NELL1: variants seen among roughly 807,000 people sequenced by gnomAD.
NELL1 encodes the protein protein kinase C-binding protein NELL1.
In NELL1, 76 loss-of-function variants were observed where a neutral mutation model predicts 107.4. The ratio of observed to expected loss-of-function variants is 0.71; its 90% confidence interval spans 0.59 to 0.86. NELL1 has a LOEUF of 0.86. Among genes scored for constraint, NELL1 ranks in the 40% least tolerant of loss-of-function variants. NELL1 has a pLI of 0.00. For synonymous variants in NELL1, 353 were observed against 341.2 expected (o/e 1.03, Z -0.38); for missense variants, 1,024 against 1,005.5 (o/e 1.02, Z -0.25).
At chr11:21,275,553 G>T (rs1426789084) in intron 14 of NELL1, among the ~76,000 whole-genome samples, 2 of 152,178 alleles carry the variant, frequency 1.3e-5, no homozygotes, top group Admixed American at 6.5e-5. Context: ...CATTTTATGA[G>T]GCCAGCATCA....
At chr11:20,898,358 G>A (rs551512491) in intron 5 of NELL1, among the ~76,000 whole-genome samples, 1 of 152,122 alleles carries the variant, frequency 6.6e-6, no homozygotes, top group South Asian at 2.1e-4. Context: ...CTCATAAGGG[G>A]GAATTGAACA....
chr11:20,783,806 T>G lies in NELL1; in HGVS notation c.311T>G (p.Leu104Arg). 1 of 1,613,192 alleles carries G rather than the reference T, an allele frequency of 6.2e-7. No individual in the cohort carries two copies. Among genetic ancestry groups the G allele is most frequent in the Non-Finnish European group, 8.5e-7 (1 of 1,179,628 alleles). ...QQKPSTSGVI[L>R]SIRELEHSYF... ...AAGCCATCCACTTCAGGAGTGATAC[T>G]GTCCATTCGAGAACTGGAGCACAGG... is the stretch of plus-strand genomic sequence containing the variant. The change falls in exon 3 of 20, where the codon CTG becomes CGG. Residue 104 changes from leucine (L) to arginine (R), a missense_variant. Transcript: ENST00000357134.
At chr11:21,493,529 A>T (rs1050258959) in intron 15 of NELL1, among the ~76,000 whole-genome samples, 1 of 4,476 alleles carries the variant, frequency 2.2e-4, no homozygotes, top group African/African-American at 6.1e-4. Context: ...GTAGGAGCTA[A>T]AAAAAAAAAA....
intron 10 of NELL1, among the ~76,000 whole-genome samples, chr11:20,945,608 A>G (rs1338124360): frequency 6.6e-6 from 1 of 152,180 alleles, no homozygotes; most frequent in Non-Finnish European, 1.5e-5. Context: ...ATATTGAAGG[A>G]TAGACTTAGA....
intron 13 of NELL1, among the ~76,000 whole-genome samples, chr11:21,163,457 T>C (rs1163296297): frequency 1.3e-5 from 2 of 152,102 alleles, no homozygotes; most frequent in Non-Finnish European, 2.9e-5. Flanking sequence ...AGCTACGCTT[T>C]TGGTGGCTAT....
At chr11:20,901,903 A>T (rs1849882669) in intron 5 of NELL1, among the ~76,000 whole-genome samples, 1 of 152,104 alleles carries the variant, frequency 6.6e-6, no homozygotes, top group Non-Finnish European at 1.5e-5. Context: ...ATTTAAAAAC[A>T]TTATATATAT....
At chr11:21,196,878 C>A (rs1325808760) in intron 13 of NELL1, among the ~76,000 whole-genome samples, 5 of 145,468 alleles carry the variant, frequency 3.4e-5, no homozygotes, top group African/African-American at 1.3e-4. Flanking sequence ...TCTTTCTTTT[C>A]TTTTCTTTTT....
At chr11:21,482,921 A>G (rs1359014141) in intron 15 of NELL1, among the ~76,000 whole-genome samples, 1 of 152,074 alleles carries the variant, frequency 6.6e-6, no homozygotes, top group Non-Finnish European at 1.5e-5. Flanking sequence ...AATTGATGTG[A>G]TGGATTTATG....
intron 14 of NELL1, among the ~76,000 whole-genome samples, chr11:21,356,010 A>G (rs1475574894): frequency 6.6e-6 from 1 of 151,988 alleles, no homozygotes; most frequent in Non-Finnish European, 1.5e-5. Flanking sequence ...TCTCTACTCA[A>G]ATGATCTCTT....
chr11:21,404,663 A>T (rs369181616), intron 15 of NELL1, among the ~76,000 whole-genome samples: 3 of 152,048 alleles, frequency 2.0e-5, no homozygotes, highest in East Asian at 3.9e-4. Context: ...TAATAATCCC[A>T]TGTAACATAG....
At chr11:20,858,869 A>G (rs1288900057) in intron 4 of NELL1, among the ~76,000 whole-genome samples, 5 of 152,170 alleles carry the variant, frequency 3.3e-5, no homozygotes, top group Non-Finnish European at 5.9e-5. Context: ...GTGGCCTATT[A>G]GAAGCTCCCC....
intron 4 of NELL1, among the ~76,000 whole-genome samples, chr11:20,872,360 T>C (rs1849218254): frequency 6.6e-6 from 1 of 151,964 alleles, no homozygotes; most frequent in African/African-American, 2.4e-5. Context: ...TTTATATTTC[T>C]TGTAGAGATG....
intron 3 of NELL1, among the ~76,000 whole-genome samples, chr11:20,803,625 G>T (rs1431323641): frequency 6.6e-6 from 1 of 152,030 alleles, no homozygotes; most frequent in East Asian, 1.9e-4. Flanking sequence ...AGTTCTTTAA[G>T]ATGCATCATT....
chr11:20,688,703 A>G (rs1854371945), intron 2 of NELL1, among the ~76,000 whole-genome samples: 1 of 152,088 alleles, frequency 6.6e-6, no homozygotes, highest in Non-Finnish European at 1.5e-5. Context: ...ACATACGAGT[A>G]CATGTGTTTT....
chr11:20,965,836 G>A (rs1306877148), intron 12 of NELL1, among the ~76,000 whole-genome samples: 2 of 152,074 alleles, frequency 1.3e-5, no homozygotes, highest in Admixed American at 1.3e-4. Flanking sequence ...ATACCTAAGT[G>A]GGTAGATACT....
At chr11:20,890,591 T>A (rs574981318) in intron 5 of NELL1, among the ~76,000 whole-genome samples, 4 of 152,140 alleles carry the variant, frequency 2.6e-5, no homozygotes, top group African/African-American at 9.6e-5. Context: ...TCTAACCCAA[T>A]GCAAGGAAGC....
intron 14 of NELL1, among the ~76,000 whole-genome samples, chr11:21,263,870 T>G (rs1848583261): frequency 6.6e-6 from 1 of 151,980 alleles, no homozygotes; most frequent in East Asian, 1.9e-4. Context: ...GTTACAATTC[T>G]CACAGCCTTT....
At chr11:20,752,790 C>A (rs1167074713) in intron 2 of NELL1, among the ~76,000 whole-genome samples, 1 of 152,218 alleles carries the variant, frequency 6.6e-6, no homozygotes, top group Non-Finnish European at 1.5e-5. Context: ...ACTGGTGAGA[C>A]CACAACATTA....
At position 21,166,225 on chromosome 11, in the gene NELL1, C is replaced by T. The variant is rs557340671; in HGVS notation, c.1426+52511C>T. ...GGAGTAGAAGGATGGATACCAGGGGCTGGGAAGGGTAGTTGGAGGAGTGGG... is the reference window on the plus strand; with the variant it reads ...GGAGTAGAAGGATGGATACCAGGGGTTGGGAAGGGTAGTTGGAGGAGTGGG... On this transcript the variant is annotated intron_variant, in intron 13 of 19. Coordinates refer to ENST00000357134, the MANE Select transcript of NELL1 (RefSeq NM_006157.5). Among the ~76,000 whole-genome samples, 19 of 151,458 alleles carry T rather than the reference C, an allele frequency of 1.3e-4. No individual in the cohort carries two copies. The South Asian group carries it at 3.7e-3, about 30-fold the overall frequency.
Sources: gnomAD v4.1 joint callset for allele counts (sites outside exome capture counted in the v4.1 genomes callset) on GRCh38, gnomAD v4.1.1 for gene constraint, MANE v1.5 for transcripts, NCBI Gene and HGNC (gene_info 2026-07-23, HGNC 2026-07-21) for gene names.